Variants in CEP128 observed in about 807,000 individuals in gnomAD.
CEP128 encodes centrosomal protein 128kDa.
A neutral mutation model predicts 156.7 loss-of-function variants in CEP128; 132 were observed. The ratio of observed to expected loss-of-function variants is 0.84; its 90% confidence interval spans 0.73 to 0.97. CEP128 has a LOEUF of 0.97. CEP128 is among the 50% of genes least tolerant of loss of function. The pLI is 0.00. For synonymous variants in CEP128, 469 were observed against 448.9 expected (o/e 1.04, Z -0.57); for missense variants, 1,252 against 1,281.9 (o/e 0.98, Z 0.36).
rs191355801 is a variant in CEP128, at chr14:80,690,144, C to T, written c.2806+52931G>A. On this transcript the variant is annotated intron_variant, in intron 19 of 24. Coordinates refer to ENST00000555265, the MANE Select transcript of CEP128 (RefSeq NM_152446.5). Reference sequence around the variant, plus strand: ...AGTTTGGGCAGGGCGTGGTGGCTCACGCCTGTAATCTCAGCCCTTTGGGAG... The same window carrying T: ...AGTTTGGGCAGGGCGTGGTGGCTCATGCCTGTAATCTCAGCCCTTTGGGAG... Among the ~76,000 whole-genome samples, 54 of 151,576 alleles carry T rather than the reference C, an allele frequency of 3.6e-4. 1 individual carries two copies. Among genetic ancestry groups the T allele is most frequent in the Middle Eastern group, 6.9e-3 (2 of 290 alleles).
chr14:80,811,272 T>C (rs1884517167), intron 13 of CEP128, among the ~76,000 whole-genome samples: 1 of 152,208 alleles, frequency 6.6e-6, no homozygotes, highest in Non-Finnish European at 1.5e-5. Context: ...AATAGAATGA[T>C]TTTTATCCCT....
At chr14:80,544,875 T>C (rs1374762352) in intron 21 of CEP128, among the ~76,000 whole-genome samples, 1 of 152,190 alleles carries the variant, frequency 6.6e-6, no homozygotes, top group African/African-American at 2.4e-5. Flanking sequence ...GAATGGGACT[T>C]ACTATGTTTT....
chr14:80,827,526 A>T (rs906972527), intron 13 of CEP128, among the ~76,000 whole-genome samples: 1 of 152,220 alleles, frequency 6.6e-6, no homozygotes, highest in African/African-American at 2.4e-5. Flanking sequence ...TCAGAGCGAA[A>T]GCATAGAAGA....
At chr14:80,539,188 G>T (rs11847660) in intron 21 of CEP128, among the ~76,000 whole-genome samples, 34,642 of 151,998 alleles carry the variant, frequency 0.23, 4,507 homozygotes, top group African/African-American at 0.35. Flanking sequence ...AAACTAACAT[G>T]TTCATAAAAT....
At chr14:80,532,802 C>T (rs112085013) in intron 21 of CEP128, among the ~76,000 whole-genome samples, 8 of 152,216 alleles carry the variant, frequency 5.3e-5, no homozygotes, top group Admixed American at 1.3e-4. Context: ...AGTTTTGACA[C>T]GTGTAAATCA....
chr14:80,559,944 A>C (rs1890598788), intron 20 of CEP128, among the ~76,000 whole-genome samples: 1 of 152,218 alleles, frequency 6.6e-6, no homozygotes, highest in Non-Finnish European at 1.5e-5. Flanking sequence ...ATGATTAAGA[A>C]AATGTTTGTA....
intron 13 of CEP128, among the ~76,000 whole-genome samples, chr14:80,809,459 T>C (rs867584170): frequency 2.0e-5 from 3 of 152,128 alleles, no homozygotes; most frequent in Admixed American, 2.0e-4. Flanking sequence ...AAATAATAGA[T>C]AAAAACTTCT....
At chr14:80,711,706 G>T (rs1897415100) in intron 19 of CEP128, among the ~76,000 whole-genome samples, 1 of 151,934 alleles carries the variant, frequency 6.6e-6, no homozygotes, top group Non-Finnish European at 1.5e-5. Context: ...ATAACTAAAA[G>T]ATTATAATTG....
rs190866504 is a variant in CEP128 at position 80,866,163 on chromosome 14, G to A, written c.646-3290C>T. 4.2e-3 allele frequency among the ~76,000 whole-genome samples: 645 copies of A among 152,180 alleles called. 9 individuals carry two copies. The highest frequency in any genetic ancestry group is 0.015 in the African/African-American group (615 of 41,542). The stretch of plus-strand genomic sequence containing the variant: ...GCACCTCAGTACTAGACTGGCCCCT[G>A]TAAGCACAGGCTCTGGGCCTTCCCC... On this transcript the variant is annotated intron_variant, in intron 8 of 24. Transcript: ENST00000555265.
At chr14:80,873,194 A>G (rs1419821839) in intron 8 of CEP128, among the ~76,000 whole-genome samples, 1 of 152,234 alleles carries the variant, frequency 6.6e-6, no homozygotes, top group Non-Finnish European at 1.5e-5. Flanking sequence ...TGTTTTATAC[A>G]GCAATTACAC....
chr14:80,578,374 T>A (rs577412826), intron 20 of CEP128, among the ~76,000 whole-genome samples: 3 of 152,214 alleles, frequency 2.0e-5, no homozygotes, highest in South Asian at 4.1e-4. Context: ...GAGAATGACA[T>A]AAAATGCAGA....
At chr14:80,569,566 TA>T (rs1891052491) in intron 20 of CEP128, among the ~76,000 whole-genome samples, 1 of 152,338 alleles carries the variant, frequency 6.6e-6, no homozygotes, top group Admixed American at 6.5e-5. Flanking sequence ...CTCAAAATTA[TA>T]CTTTCTTTCC....
intron 21 of CEP128, among the ~76,000 whole-genome samples, chr14:80,555,896 TA>T (rs33969974): frequency 0.028 from 4,291 of 152,280 alleles, 215 homozygotes; most frequent in African/African-American, 0.098. Flanking sequence ...TCATGGACTG[TA>T]TTTTTTTGGT....
chr14:80,559,421 T>C (rs756422022), intron 20 of CEP128, 119 bp from the exon 21 acceptor site: 2 of 797,528 alleles, frequency 2.5e-6, no homozygotes, highest in Non-Finnish European at 3.9e-6. Context: ...TTTAAAAATG[T>C]AAAAAATGAG....
intron 18 of CEP128, among the ~76,000 whole-genome samples, chr14:80,745,344 T>TG (rs1899045197): frequency 6.6e-6 from 1 of 152,202 alleles, no homozygotes; most frequent in Non-Finnish European, 1.5e-5. Flanking sequence ...CAATTAAACC[T>TG]CTTTTCTTTA....
chr14:80,691,240 A>T (rs1896709882), intron 19 of CEP128, among the ~76,000 whole-genome samples: 1 of 152,204 alleles, frequency 6.6e-6, no homozygotes, highest in South Asian at 2.1e-4. Flanking sequence ...AAATGTAGCA[A>T]AATTTACTTT....
At chr14:80,799,102 A>G (rs924407505) in intron 13 of CEP128, among the ~76,000 whole-genome samples, 3 of 152,190 alleles carry the variant, frequency 2.0e-5, no homozygotes, top group Non-Finnish European at 2.9e-5. Flanking sequence ...TGAGTCACTC[A>G]GGCTTGTGTT....
intron 8 of CEP128, among the ~76,000 whole-genome samples, chr14:80,883,777 C>T (rs190849949): frequency 6.6e-6 from 1 of 152,004 alleles, no homozygotes; most frequent in Non-Finnish European, 1.5e-5. Flanking sequence ...TCAAAGCTAT[C>T]CTGAGCAAAA....
In CEP128 at chr14:80,754,950, C is replaced by A. The variant is rs73342508; in HGVS notation, c.2613+1942G>T. 2.3e-4 allele frequency among the ~76,000 whole-genome samples: 35 copies of A among 152,286 alleles called. 1 individual carries two copies. The highest frequency in any genetic ancestry group is 8.2e-4 in the African/African-American group (34 of 41,560). On this transcript the variant is annotated intron_variant, in intron 18 of 24. Coordinates refer to ENST00000555265, the MANE Select transcript of CEP128 (RefSeq NM_152446.5). ...CTTAATGACCATGTGATGGTTAACA[C>A]TGAGTGCCAAACTGATTAGACTGAA...
Sources: gnomAD v4.1 joint callset for allele counts (sites outside exome capture counted in the v4.1 genomes callset) on GRCh38, gnomAD v4.1.1 for gene constraint, MANE v1.5 for transcripts, NCBI Gene and HGNC (gene_info 2026-07-23, HGNC 2026-07-21) for gene names.